The following AGO3 variants were observed in gnomAD, a reference collection of about 807,000 sequenced individuals.
AGO3 encodes the protein argonaute RISC catalytic component 3.
AGO3 carries 16 observed loss-of-function variants against 105.5 expected under a neutral mutation model. The observed-to-expected ratio is 0.15, with a 90% confidence interval of 0.10 to 0.23. The LOEUF (loss-of-function observed/expected upper bound fraction) is 0.23, where lower values mean the gene tolerates loss of function less well. Among genes scored for constraint, AGO3 ranks in the 10% least tolerant of loss-of-function variants. The pLI is 1.00. For synonymous variants in AGO3, 340 were observed against 367.3 expected (o/e 0.93, Z 0.85); for missense variants, 534 against 1,088.0 (o/e 0.49, Z 7.16).
At chr1:36,038,505 T>C (rs1159248375) in intron 14 of AGO3, among the ~76,000 whole-genome samples, 1 of 152,100 alleles carries the variant, frequency 6.6e-6, no homozygotes, top group Non-Finnish European at 1.5e-5. Flanking sequence ...TTCGCCCACC[T>C]CGGCCTCCCA....
chr1:35,941,655 C>G (rs548213544), intron 1 of AGO3, among the ~76,000 whole-genome samples: 4 of 152,158 alleles, frequency 2.6e-5, no homozygotes, highest in African/African-American at 9.6e-5. Context: ...TGATTCCTTC[C>G]TTTATAGGGT....
At chr1:35,990,696 A>G (rs995630296) in intron 5 of AGO3, among the ~76,000 whole-genome samples, 3 of 152,220 alleles carry the variant, frequency 2.0e-5, no homozygotes, top group Admixed American at 1.3e-4. Flanking sequence ...AAACATTTCT[A>G]GTAAATAAAA....
intron 17 of AGO3, among the ~76,000 whole-genome samples, chr1:36,053,246 CT>C (rs746106504): frequency 1.0e-3 from 149 of 144,896 alleles, no homozygotes; most frequent in South Asian, 2.0e-3. Context: ...AACAGTTTTC[CT>C]TTTTTTTTTT....
intron 5 of AGO3, among the ~76,000 whole-genome samples, chr1:36,003,694 C>CAAAAAAAAAA (rs1209511459): frequency 2.1e-4 from 11 of 53,466 alleles, no homozygotes; most frequent in South Asian, 7.6e-4. Flanking sequence ...AAGTCTGTCT[C>CAAAAAAAAAA]AAAAAAAAAA....
At chr1:35,964,736 C>G (rs1187960580) in intron 2 of AGO3, among the ~76,000 whole-genome samples, 1 of 152,182 alleles carries the variant, frequency 6.6e-6, no homozygotes, top group Non-Finnish European at 1.5e-5. Context: ...AATTTACACT[C>G]TCACCAACAG....
At chr1:35,959,981 TAAAG>T (rs1331722819) in intron 2 of AGO3, among the ~76,000 whole-genome samples, 5 of 152,114 alleles carry the variant, frequency 3.3e-5, no homozygotes, top group Admixed American at 6.5e-5. Context: ...TTTTTATTGA[TAAAG>T]AAACTCAAGT....
chr1:35,934,782 A>G (rs1048569570), intron 1 of AGO3, among the ~76,000 whole-genome samples: 2 of 151,806 alleles, frequency 1.3e-5, no homozygotes, highest in Non-Finnish European at 2.9e-5. Flanking sequence ...TCCCGAGTAG[A>G]TGGGATTACA....
chr1:35,971,281 T>C (rs1489199685), intron 3 of AGO3, among the ~76,000 whole-genome samples: 2 of 150,780 alleles, frequency 1.3e-5, no homozygotes, highest in Non-Finnish European at 3.0e-5. Context: ...TGCCTCAGCC[T>C]CCCGAGTAGC....
Position 35,999,777 on chromosome 1 carries a change from A to G in AGO3, c.659-4564A>G, listed in dbSNP as rs771039228. On this transcript the variant is annotated intron_variant, in intron 5 of 18. Transcript: ENST00000373191. ...TCCATAGATTTTTATTGGGTTTTCT[A>G]TGCACACAATTAATGTTGTGAAGAG... Among the ~76,000 whole-genome samples, 9 of 152,158 alleles carry G rather than the reference A, an allele frequency of 5.9e-5. No individual in the cohort carries two copies. In the East Asian group the frequency reaches 7.7e-4, roughly 13 times the overall value.
rs147854606 is a variant in AGO3 at position 36,036,647 on chromosome 1, C to T, written c.1842+380C>T. Among the ~76,000 whole-genome samples the T allele has an allele frequency of 2.9e-3, 443 of 152,052 alleles. 3 individuals are homozygous for T. The highest frequency in any genetic ancestry group is 1.0e-2 in the African/African-American group (414 of 41,484). The stretch of plus-strand genomic sequence containing the variant: ...ACATTTTTTATATATAAAATGTCTC[C>T]CACCTTCATCCAGGTCAATACTTTG... On this transcript the variant is annotated intron_variant, in intron 14 of 18. Transcript: ENST00000373191.
intron 9 of AGO3, among the ~76,000 whole-genome samples, chr1:36,012,322 CA>C (rs11391066): frequency 0.036 from 3,235 of 90,568 alleles, 92 homozygotes; most frequent in African/African-American, 0.11. Context: ...GACCCTGTCT[CA>C]AAAAAAAAAA....
In AGO3 at chr1:36,067,116, C is replaced by T. The variant is rs1163807630; in HGVS notation, c.*11371C>T. The T allele has an allele frequency of 1.3e-5, 2 of 152,056 alleles. No individual in the cohort carries two copies. The highest frequency in any genetic ancestry group is 3.2e-3 in the Middle Eastern group (1 of 316). 9.4% of individuals were successfully genotyped at this position (152,056 alleles called of 1,614,324 possible). On this transcript the variant is annotated 3_prime_UTR_variant, in exon 19 of 19. Coordinates refer to ENST00000373191, the MANE Select transcript of AGO3 (RefSeq NM_024852.4). ...TATCAACATAGTGTCTTTGGTTTTC[C>T]CCTTTAAATAGAAAACACCAAGCAG...
chr1:35,974,992 A>G (rs1267614542), intron 5 of AGO3, among the ~76,000 whole-genome samples: 1 of 152,092 alleles, frequency 6.6e-6, no homozygotes, highest in African/African-American at 2.4e-5. Flanking sequence ...TGTGTAATAT[A>G]TGATTGAGGA....
At chr1:36,021,449 A>T (rs1463655358) in intron 11 of AGO3, among the ~76,000 whole-genome samples, 1 of 152,178 alleles carries the variant, frequency 6.6e-6, no homozygotes, top group East Asian at 1.9e-4. Flanking sequence ...GAATTTTCAT[A>T]ATCTTATACA....
chr1:35,932,556 ATTT>A (rs201169266), intron 1 of AGO3, among the ~76,000 whole-genome samples: 3 of 143,152 alleles, frequency 2.1e-5, no homozygotes, highest in Admixed American at 7.0e-5. Flanking sequence ...AGAGTTACAA[ATTT>A]TTTTTTTTTT....
intron 5 of AGO3, among the ~76,000 whole-genome samples, chr1:36,000,150 A>G (rs1640017705): frequency 6.6e-6 from 1 of 152,190 alleles, no homozygotes; most frequent in Admixed American, 6.5e-5. Flanking sequence ...AAAATGTTAA[A>G]TGTAAACATT....
chr1:35,961,627 C>T (rs1646678830), intron 2 of AGO3, among the ~76,000 whole-genome samples: 2 of 152,150 alleles, frequency 1.3e-5, no homozygotes, highest in African/African-American at 2.4e-5. Flanking sequence ...TATTTTTACT[C>T]ATATTACATG....
At chr1:36,046,482 A>G (rs1642475098) in intron 17 of AGO3, among the ~76,000 whole-genome samples, 1 of 151,880 alleles carries the variant, frequency 6.6e-6, no homozygotes, top group African/African-American at 2.4e-5. Context: ...ACCTGAGGTC[A>G]GGAGTTTGAG....
In AGO3 at chr1:36,043,488, T is replaced by A; in HGVS notation, c.2214T>A (p.Asp738Glu). 1 of 1,614,042 alleles carries A rather than the reference T, an allele frequency of 6.2e-7. No homozygotes were observed. Among genetic ancestry groups the A allele is most frequent in the Non-Finnish European group, 8.5e-7 (1 of 1,179,970 alleles). Residue 738 changes from aspartate (D) to glutamate (E), a missense_variant, in exon 17 of 19, where the codon GAT becomes GAA. Asp to Glu is a conservative substitution (Grantham distance 45, BLOSUM62 2). Transcript: ENST00000373191. The stretch of plus-strand genomic sequence containing the variant: ...ATATCCCAGCTGGAACAACAGTTGA[T>A]ACAGACATTACACACCCATATGAGT... The part of the protein sequence containing the change: ...SGNIPAGTTV[D>E]TDITHPYEFD...
Sources: gnomAD v4.1 joint callset for allele counts (sites outside exome capture counted in the v4.1 genomes callset) on GRCh38, gnomAD v4.1.1 for gene constraint, MANE v1.5 for transcripts, NCBI Gene and HGNC (gene_info 2026-07-23, HGNC 2026-07-21) for gene names.